COMMD10: variants seen among roughly 807,000 people sequenced by gnomAD.
COMMD10 encodes the protein COMM domain containing 10.
In COMMD10, 33 loss-of-function variants were observed where a neutral mutation model predicts 28.9. That is an observed-to-expected ratio of 1.14 (90% CI 0.87 to 1.53). The LOEUF is 1.53. Among genes scored for constraint, COMMD10 ranks in the 40% most tolerant of loss-of-function variants. The pLI, the probability that COMMD10 is intolerant of heterozygous loss-of-function variation, is 0.00. For missense variants in COMMD10, 310 were observed against 233.4 expected (o/e 1.33, Z -2.14); for synonymous variants, 110 against 81.7 (o/e 1.35, Z -1.87).
In COMMD10 at chr5:116,126,562, G is replaced by A. The variant is rs574370581; in HGVS notation, c.400-7506G>A. Among the ~76,000 whole-genome samples, 6 of 151,832 alleles carry A rather than the reference G, an allele frequency of 4.0e-5. No homozygotes were observed. The South Asian group carries it at 1.2e-3, about 31-fold the overall frequency. On this transcript the variant is annotated intron_variant, in intron 4 of 6. Coordinates refer to ENST00000274458, the MANE Select transcript of COMMD10 (RefSeq NM_016144.4). ...ACAGTAACCAAAACAGCATGGTACT[G>A]GTACCAAAACAGAGATATAGACCAA...
intron 4 of COMMD10, among the ~76,000 whole-genome samples, chr5:116,109,934 T>G (rs1213172457): frequency 6.6e-6 from 1 of 152,238 alleles, no homozygotes; most frequent in African/African-American, 2.4e-5. Flanking sequence ...AAAATGGGCA[T>G]CCTTGTCTTG....
chr5:116,167,582 G>A (rs980257330), intron 5 of COMMD10, among the ~76,000 whole-genome samples: 1 of 152,138 alleles, frequency 6.6e-6, no homozygotes, highest in Non-Finnish European at 1.5e-5. Flanking sequence ...AAAATGTTAA[G>A]GGCAGCCAGA....
intron 4 of COMMD10, among the ~76,000 whole-genome samples, chr5:116,098,352 C>T (rs941293711): frequency 6.6e-6 from 1 of 152,164 alleles, no homozygotes; most frequent in Non-Finnish European, 1.5e-5. Flanking sequence ...TAGGGTCCTA[C>T]CCACATAAAC....
chr5:116,163,986 A>G (rs977143381), intron 5 of COMMD10, among the ~76,000 whole-genome samples: 4 of 152,152 alleles, frequency 2.6e-5, no homozygotes, highest in South Asian at 2.1e-4. Context: ...CAAAGGGGTG[A>G]TGGAAATACT....
intron 5 of COMMD10, among the ~76,000 whole-genome samples, chr5:116,136,171 C>A (rs1412058523): frequency 6.6e-6 from 1 of 152,102 alleles, no homozygotes; most frequent in Non-Finnish European, 1.5e-5. Flanking sequence ...TCCTTGCATT[C>A]CCTCTCCCTT....
chr5:116,232,674 G>T (rs560105435), intron 5 of COMMD10, among the ~76,000 whole-genome samples: 3 of 150,922 alleles, frequency 2.0e-5, no homozygotes, highest in Admixed American at 6.7e-5. Flanking sequence ...CTGCACTCCA[G>T]CCTGGGCAAC....
At chr5:116,255,454 G>C (rs1458210260) in intron 5 of COMMD10, among the ~76,000 whole-genome samples, 1 of 151,602 alleles carries the variant, frequency 6.6e-6, no homozygotes, top group Admixed American at 6.6e-5. Context: ...TCCTTTCCGT[G>C]TTTAGTGCTT....
intron 5 of COMMD10, among the ~76,000 whole-genome samples, chr5:116,285,300 T>A (rs1034121118): frequency 6.6e-6 from 1 of 152,012 alleles, no homozygotes; most frequent in African/African-American, 2.4e-5. Context: ...AAAGACAGAT[T>A]TAAATTTAAA....
intron 5 of COMMD10, among the ~76,000 whole-genome samples, chr5:116,232,098 A>G (rs1027171732): frequency 6.6e-6 from 1 of 152,122 alleles, no homozygotes; most frequent in Admixed American, 6.6e-5. Context: ...ACCACATTCT[A>G]ATTGGCAGGA....
At chr5:116,271,537 A>G (rs145727885) in intron 5 of COMMD10, among the ~76,000 whole-genome samples, 1 of 151,818 alleles carries the variant, frequency 6.6e-6, no homozygotes, top group East Asian at 1.9e-4. Flanking sequence ...CTAAACCATG[A>G]CCAGACTGAG....
At chr5:116,165,479 G>A (rs1055254330) in intron 5 of COMMD10, among the ~76,000 whole-genome samples, 3 of 152,150 alleles carry the variant, frequency 2.0e-5, no homozygotes, top group Non-Finnish European at 4.4e-5. Flanking sequence ...ATTTCTCACA[G>A]TTCTGGAAGA....
intron 5 of COMMD10, among the ~76,000 whole-genome samples, chr5:116,170,717 C>A (rs1753298415): frequency 6.6e-6 from 1 of 152,004 alleles, no homozygotes; most frequent in Non-Finnish European, 1.5e-5. Flanking sequence ...ACAAACCTGA[C>A]AAAAACAAGG....
chr5:116,268,525 T>A (rs1669825052), intron 5 of COMMD10, among the ~76,000 whole-genome samples: 1 of 151,930 alleles, frequency 6.6e-6, no homozygotes. Context: ...AGTTCAACCA[T>A]TGTGGAAGAC....
chr5:116,137,419 A>C (rs1231169134), intron 5 of COMMD10, among the ~76,000 whole-genome samples: 2 of 152,070 alleles, frequency 1.3e-5, no homozygotes, highest in African/African-American at 4.8e-5. Context: ...AAGTATCTTA[A>C]AGTACAAAAC....
rs189467994 is a variant in COMMD10 at position 116,155,040 on chromosome 5, T to C, written c.510+20862T>C. Among the ~76,000 whole-genome samples, 137 of 152,266 alleles carry C rather than the reference T, an allele frequency of 9.0e-4. 1 individual carries two copies. The highest frequency in any genetic ancestry group is 1.0e-3 in the Non-Finnish European group (69 of 68,010). On this transcript the variant is annotated intron_variant, in intron 5 of 6. Coordinates refer to ENST00000274458, the MANE Select transcript of COMMD10 (RefSeq NM_016144.4). The stretch of plus-strand genomic sequence containing the variant: ...TAGTTAAGCACTCAGAATACATTTA[T>C]GTATCTTTTAACATTGGTATCATCT...
intron 5 of COMMD10, among the ~76,000 whole-genome samples, chr5:116,235,530 T>C (rs1033843006): frequency 1.3e-5 from 2 of 152,176 alleles, no homozygotes; most frequent in Admixed American, 1.3e-4. Context: ...TCAAAGATCT[T>C]CCACAGAAAA....
intron 4 of COMMD10, among the ~76,000 whole-genome samples, chr5:116,125,378 C>A (rs977912849): frequency 3.3e-5 from 5 of 152,098 alleles, no homozygotes; most frequent in Admixed American, 2.0e-4. Flanking sequence ...AACATTGGCC[C>A]CCACTCTCTT....
At chr5:116,171,804 A>G (rs1188672447) in intron 5 of COMMD10, among the ~76,000 whole-genome samples, 2 of 147,240 alleles carry the variant, frequency 1.4e-5, no homozygotes, top group Non-Finnish European at 3.0e-5. Flanking sequence ...CAGGGAGGGG[A>G]ACATCACACA....
rs1210247026 is a variant in COMMD10 at position 116,249,197 on chromosome 5, T to C, written c.511-42320T>C. On this transcript the variant is annotated intron_variant, in intron 5 of 6. Coordinates refer to ENST00000274458, the MANE Select transcript of COMMD10 (RefSeq NM_016144.4). ...GGGGCTATTTCAGATAACAAATAATTGCAAAGAAGTATTTACTTTTCATTG... is the reference window on the plus strand; with the variant it reads ...GGGGCTATTTCAGATAACAAATAATCGCAAAGAAGTATTTACTTTTCATTG... Among the ~76,000 whole-genome samples, 3 of 151,976 alleles carry C rather than the reference T, an allele frequency of 2.0e-5. No individual in the cohort carries two copies. The East Asian group carries it at 5.8e-4, about 29-fold the overall frequency.
Sources: gnomAD v4.1 joint callset for allele counts (sites outside exome capture counted in the v4.1 genomes callset) on GRCh38, gnomAD v4.1.1 for gene constraint, MANE v1.5 for transcripts, NCBI Gene and HGNC (gene_info 2026-07-23, HGNC 2026-07-21) for gene names.